HBP1: variants seen among roughly 807,000 people sequenced by gnomAD.
HBP1 encodes the protein HMG box-containing protein 1.
HBP1 carries 20 observed loss-of-function variants against 62.6 expected under a neutral mutation model. The ratio of observed to expected loss-of-function variants is 0.32; its 90% CI spans 0.22 to 0.46. HBP1 has a LOEUF of 0.46. Ranked by LOEUF, HBP1 falls within the 20% of genes least tolerant of loss-of-function variation. HBP1 has a pLI of 1.00. For missense variants in HBP1, 480 were observed against 611.8 expected (o/e 0.78, Z 2.27); for synonymous variants, 232 against 206.2 (o/e 1.12, Z -1.07).
chr7:107,176,979 C>T (rs1796880509), intron 1 of HBP1, among the ~76,000 whole-genome samples: 1 of 152,132 alleles, frequency 6.6e-6, no homozygotes, highest in South Asian at 2.1e-4. Flanking sequence ...GATGACTTGT[C>T]ATAATATCTC....
chr7:107,169,197 T>G lies in HBP1; in HGVS notation c.-16+12T>G, dbSNP rs1796421533. The G allele has an allele frequency of 2.0e-6, 2 of 1,019,646 alleles. No individual in the cohort carries two copies. The highest frequency in any genetic ancestry group is 2.6e-5 in the South Asian group (1 of 38,858). 63.2% of individuals were successfully genotyped at this position (1,019,646 alleles called of 1,614,324 possible). A position where few individuals can be genotyped will look rare whatever the true frequency, so the allele number is the denominator to read the frequency against. ...GCACTTCGCGGCAGGTTTGTTGTCT[T>G]TCAGTTAGGGAAGAGGTGGGGGTGG... On this transcript the variant is annotated intron_variant, in intron 1 of 10. Transcript: ENST00000222574.
chr7:107,179,877 A>G lies in HBP1; in HGVS notation c.-15-2A>G, dbSNP rs1797030415. The G allele has an allele frequency of 6.4e-7, 1 of 1,555,808 alleles. No individual in the cohort carries two copies. The highest frequency in any genetic ancestry group is 8.8e-7 in the Non-Finnish European group (1 of 1,136,108). On this transcript the variant is annotated splice_acceptor_variant, in intron 1 of 10. Coordinates refer to ENST00000222574, the MANE Select transcript of HBP1 (RefSeq NM_012257.4). LOFTEE classifies it low-confidence loss of function (5UTR_SPLICE). ...ATTTCTTAATGTCGTTTTTATTTTA[A>G]GTCAGAGCACCATAACATGGTGTGG...
chr7:107,198,725 G>A (rs370825394), intron 9 of HBP1, among the ~76,000 whole-genome samples: 60 of 152,290 alleles, frequency 3.9e-4, no homozygotes, highest in African/African-American at 1.3e-3. Context: ...ATGGAGACTA[G>A]AACAGGTCAG....
At chr7:107,179,804 T>G in intron 1 of HBP1, 75 bp from the exon 2 acceptor site, 1 of 881,260 alleles carries the variant, frequency 1.1e-6, no homozygotes, top group Non-Finnish European at 1.8e-6. Flanking sequence ...GTCATGTCTC[T>G]GATTTATTTT....
At chr7:107,169,544 G>T (rs1421860093) in intron 1 of HBP1, among the ~76,000 whole-genome samples, 1 of 150,298 alleles carries the variant, frequency 6.7e-6, no homozygotes, top group Admixed American at 6.6e-5. Context: ...GGCTGCCCAG[G>T]AAAGTTTGAC....
chr7:107,178,554 A>T (rs1347185061), intron 1 of HBP1, among the ~76,000 whole-genome samples: 2 of 152,144 alleles, frequency 1.3e-5, no homozygotes, highest in Non-Finnish European at 1.5e-5. Flanking sequence ...TAGATTTACT[A>T]GTTGTTTAAA....
At position 107,180,140 on chromosome 7, in the gene HBP1, A is replaced by G. The variant is rs1756553482; in HGVS notation, c.169+78A>G. Reference sequence around the variant, plus strand: ...TTCTACTTAGCCCGCTTCTCCACCAACCTTGACTGGCTAGAAAGGGATATG... The same window carrying G: ...TTCTACTTAGCCCGCTTCTCCACCAGCCTTGACTGGCTAGAAAGGGATATG... On this transcript the variant is annotated intron_variant, in intron 2 of 10. Transcript: ENST00000222574. The G allele has an allele frequency of 3.7e-6, 3 of 803,430 alleles. No individual in the cohort carries two copies. In the South Asian group the frequency reaches 6.1e-5, roughly 16 times the overall value. 49.8% of individuals were successfully genotyped at this position (803,430 alleles called of 1,614,324 possible). A position where few individuals can be genotyped will look rare whatever the true frequency, so the allele number is the denominator to read the frequency against.
intron 7 of HBP1, 198 bp from the exon 8 acceptor site, chr7:107,189,975 A>G (rs1797570910): frequency 4.6e-6 from 2 of 432,426 alleles, no homozygotes; most frequent in Admixed American, 4.0e-5. Context: ...ACAATAAGCT[A>G]GTTTTGGAGG....
rs564501211 is a variant in HBP1 at position 107,183,344 on chromosome 7, T to C, written c.398+743T>C. On this transcript the variant is annotated intron_variant, in intron 3 of 10. Coordinates refer to ENST00000222574, the MANE Select transcript of HBP1 (RefSeq NM_012257.4). Reference sequence around the variant, plus strand: ...TAGGAATAACTGTAAATTTTGTTAGTGCTCTTGAGTGTAATGCATTGCTAA... The same window carrying C: ...TAGGAATAACTGTAAATTTTGTTAGCGCTCTTGAGTGTAATGCATTGCTAA... Among the ~76,000 whole-genome samples the C allele has an allele frequency of 2.0e-5, 3 of 152,344 alleles. No individual in the cohort carries two copies. In the South Asian group the frequency reaches 6.2e-4, roughly 32 times the overall value.
rs1056909516 is a variant in HBP1 at position 107,169,666 on chromosome 7, T to TG, written c.-16+483dup. ...CCTCCTTCTGGACTGAGGGGGATTC[T>TG]GGCTGAGCTGAGGAGCTCGCGGAGC... On this transcript the variant is annotated intron_variant, in intron 1 of 10. Transcript: ENST00000222574. The TG allele has an allele frequency of 2.0e-5, 17 of 860,268 alleles. No homozygotes were observed. In the Admixed American group the frequency reaches 4.3e-4, roughly 22 times the overall value. 53.3% of individuals were successfully genotyped at this position (860,268 alleles called of 1,614,324 possible).
intron 1 of HBP1, among the ~76,000 whole-genome samples, chr7:107,172,188 G>A (rs949145495): frequency 1.2e-4 from 18 of 151,542 alleles, no homozygotes; most frequent in Middle Eastern, 6.8e-3. Flanking sequence ...ATTGATCATA[G>A]CTTTAAAAAA....
Position 107,186,459 on chromosome 7 carries a change from C to T in HBP1, c.639C>T (p.His213=), listed in dbSNP as rs753430878. The T allele has an allele frequency of 2.7e-5, 43 of 1,608,930 alleles. No homozygotes were observed. The highest frequency in any genetic ancestry group is 5.5e-5 in the South Asian group (5 of 90,690). The change falls in exon 5 of 11, where the codon CAC becomes CAT. Residue 213 remains histidine (H), a synonymous_variant. Transcript: ENST00000222574. The part of the protein sequence containing the change: ...WCNSWPSTVW[H]CFLKGTRLCF... ...ATTCCTGGCCTTCAACTGTCTGGCACTGTTTTTTGAAAGGTAAAACAAACA... is the reference window on the plus strand; with the variant it reads ...ATTCCTGGCCTTCAACTGTCTGGCATTGTTTTTTGAAAGGTAAAACAAACA...
rs772877520 is a variant in HBP1, at chr7:107,180,019, A to G, written c.126A>G (p.Pro42=). The change falls in exon 2 of 11, where the codon CCA becomes CCG. Residue 42 remains proline, a synonymous_variant. Coordinates refer to ENST00000222574, the MANE Select transcript of HBP1 (RefSeq NM_012257.4). ...LELLQCNENL[P]SSPGYNSCDE... ...TGCTGCAGTGTAATGAGAATTTGCCATCTTCACCTGGATATAACTCCTGTG... is the reference window on the plus strand; with the variant it reads ...TGCTGCAGTGTAATGAGAATTTGCCGTCTTCACCTGGATATAACTCCTGTG... 4.4e-6 allele frequency: 7 copies of G among 1,607,428 alleles called. No individual in the cohort carries two copies. The highest frequency in any genetic ancestry group is 2.7e-5 in the African/African-American group (2 of 74,854).
chr7:107,172,783 G>T (rs556725567), intron 1 of HBP1, among the ~76,000 whole-genome samples: 272 of 152,072 alleles, frequency 1.8e-3, no homozygotes, highest in Non-Finnish European at 3.0e-3. Flanking sequence ...TTTAGAGATG[G>T]GATCTTGCTA....
intron 8 of HBP1, chr7:107,193,342 A>G (rs1797742520): frequency 6.6e-6 from 1 of 152,170 alleles, no homozygotes; most frequent in South Asian, 2.1e-4. Flanking sequence ...ACATGCCCAA[A>G]ACAAAGGCAG....
intron 2 of HBP1, among the ~76,000 whole-genome samples, chr7:107,181,672 G>A (rs1007819225): frequency 3.3e-5 from 5 of 150,694 alleles, no homozygotes; most frequent in Admixed American, 1.3e-4. Flanking sequence ...TTTTTTTTAA[G>A]CCTTCAAGAT....
chr7:107,179,985 C>T lies in HBP1; in HGVS notation c.92C>T (p.Ser31Leu). The T allele has an allele frequency of 6.2e-7, 1 of 1,610,838 alleles. No homozygotes were observed. Among genetic ancestry groups the T allele is most frequent in the Non-Finnish European group, 8.5e-7 (1 of 1,177,334 alleles). ...AAGAGAGCCTCAGGAATGAATGACT[C>T]ATTGGAGTTGCTGCAGTGTAATGAG... ...MDKRASGMND[S>L]LELLQCNENL... Residue 31 changes from serine (S) to leucine (L), a missense_variant, in exon 2 of 11, where the codon TCA (serine) becomes TTA (leucine). This residue lies in a region of HBP1 where 304 missense variants were observed against 330.9 expected (regional missense o/e 0.92). Transcript: ENST00000222574.
chr7:107,200,006 A>C (rs1441170488), intron 9 of HBP1, among the ~76,000 whole-genome samples, 154 bp from the exon 10 acceptor site: 1 of 152,230 alleles, frequency 6.6e-6, no homozygotes, highest in Non-Finnish European at 1.5e-5. Context: ...TTTTACTGGA[A>C]ATGAGCATTA....
intron 9 of HBP1, 178 bp downstream of exon 9, chr7:107,196,329 T>TA (rs1485594226): frequency 3.1e-6 from 2 of 636,962 alleles, no homozygotes; most frequent in Non-Finnish European, 5.8e-6. Flanking sequence ...AGTCCAGTGG[T>TA]ACGATCTCAG....
Sources: allele counts gnomAD v4.1 joint callset (sites outside exome capture counted in the v4.1 genomes callset), GRCh38; gene constraint gnomAD v4.1.1; regional missense constraint gnomAD v4.1.1; transcripts MANE v1.5; gene names NCBI Gene and HGNC (gene_info 2026-07-23, HGNC 2026-07-21).